CUX2: variants seen among roughly 807,000 people sequenced by gnomAD.
CUX2 encodes the protein cut like homeobox 2.
A neutral mutation model predicts 144.8 loss-of-function variants in CUX2; 40 were observed. That is an observed-to-expected ratio of 0.28 (90% CI 0.21 to 0.36). The LOEUF is 0.36. Ranked by LOEUF, CUX2 falls within the 10% of genes least tolerant of loss-of-function variation. CUX2 has a pLI of 1.00. For missense variants in CUX2, 1,615 were observed against 1,994.0 expected, an observed-to-expected ratio of 0.81 and a Z score of 3.62; for synonymous variants, 827 against 875.6, an observed-to-expected ratio of 0.94 and a Z score of 0.98.
Position 111,340,458 on chromosome 12 carries a change from C to T in CUX2, c.3386-1322C>T, listed in dbSNP as rs142284973. ...ATGTGGCGGCTCATACCTGTAATCT[C>T]AGCACTTTGGAAGGCCAAGGTGGGA... On this transcript the variant is annotated intron_variant, in intron 20 of 21. Coordinates refer to ENST00000261726, the MANE Select transcript of CUX2 (RefSeq NM_015267.4). Among the ~76,000 whole-genome samples the T allele has an allele frequency of 1.8e-3, 269 of 151,918 alleles. 4 individuals carry two copies. The highest frequency in any genetic ancestry group is 6.8e-3 in the Middle Eastern group (2 of 294).
At chr12:111,329,497 G>A (rs1410329647) in intron 18 of CUX2, among the ~76,000 whole-genome samples, 1 of 152,158 alleles carries the variant, frequency 6.6e-6, no homozygotes, top group Non-Finnish European at 1.5e-5. Flanking sequence ...GGATTGGGGG[G>A]TGGCTGTGTT....
intron 1 of CUX2, among the ~76,000 whole-genome samples, chr12:111,141,040 A>C (rs938018220): frequency 4.1e-4 from 62 of 152,170 alleles, no homozygotes; most frequent in Non-Finnish European, 8.8e-5. Flanking sequence ...TTTGAGATGA[A>C]GATGAGTCAG....
intron 19 of CUX2, among the ~76,000 whole-genome samples, chr12:111,335,872 C>G (rs1888327557): frequency 6.6e-6 from 1 of 151,888 alleles, no homozygotes; most frequent in African/African-American, 2.4e-5. Context: ...TGCCATTGCA[C>G]TCCAGCCTGG....
At chr12:111,188,857 C>G (rs1407361144) in intron 1 of CUX2, among the ~76,000 whole-genome samples, 1 of 152,178 alleles carries the variant, frequency 6.6e-6, no homozygotes, top group Non-Finnish European at 1.5e-5. Context: ...AAGCAGTCTC[C>G]TGCACCAGTC....
At chr12:111,155,936 TAAAAA>T (rs1187848868) in intron 1 of CUX2, among the ~76,000 whole-genome samples, 1 of 145,380 alleles carries the variant, frequency 6.9e-6, no homozygotes, top group Non-Finnish European at 1.5e-5. Flanking sequence ...AAAAAAAAAA[TAAAAA>T]TAAAAACCAG....
chr12:111,171,588 A>G lies in CUX2; in HGVS notation c.64-42612A>G, dbSNP rs2136167387. On this transcript the variant is annotated intron_variant, in intron 1 of 21. Coordinates refer to ENST00000261726, the MANE Select transcript of CUX2 (RefSeq NM_015267.4). The surrounding 1 kb of genome is among the most constrained non-coding windows in gnomAD (Gnocchi z 5.0). ...TGGGTCTCCGGAGCACAGCCACCTGACACATCTGGGGCTATGGGACGGAAA... is the reference window on the plus strand; with the variant it reads ...TGGGTCTCCGGAGCACAGCCACCTGGCACATCTGGGGCTATGGGACGGAAA... Among the ~76,000 whole-genome samples the G allele has an allele frequency of 6.6e-6, 1 of 152,144 alleles. No individual in the cohort carries two copies. Among genetic ancestry groups the G allele is most frequent in the Non-Finnish European group, 1.5e-5 (1 of 68,010 alleles).
chr12:111,106,105 TC>T (rs1416796550), intron 1 of CUX2, among the ~76,000 whole-genome samples: 1 of 151,368 alleles, frequency 6.6e-6, no homozygotes, highest in Non-Finnish European at 1.5e-5. Context: ...GCCCAAGCGA[TC>T]CCCCCACCTC....
chr12:111,091,127 TC>T (rs1355112403), intron 1 of CUX2, among the ~76,000 whole-genome samples: 1 of 152,176 alleles, frequency 6.6e-6, no homozygotes, highest in Non-Finnish European at 1.5e-5. Context: ...CGTGTGCACA[TC>T]CATGTAAGGG....
chr12:111,194,462 T>G (rs1456325506), intron 1 of CUX2, among the ~76,000 whole-genome samples: 1 of 152,254 alleles, frequency 6.6e-6, no homozygotes, highest in African/African-American at 2.4e-5. Flanking sequence ...TGCCAGTGAT[T>G]ACAGTTCAGG....
At chr12:111,120,724 A>G (rs988224537) in intron 1 of CUX2, among the ~76,000 whole-genome samples, 2 of 151,412 alleles carry the variant, frequency 1.3e-5, no homozygotes, top group African/African-American at 2.4e-5. Flanking sequence ...AACCCCTTCA[A>G]AGTTACCAGG....
chr12:111,139,041 G>A (rs757667095), intron 1 of CUX2, among the ~76,000 whole-genome samples: 2 of 149,238 alleles, frequency 1.3e-5, no homozygotes, highest in African/African-American at 5.0e-5. Context: ...CAGAGAACCC[G>A]ACCCAAGACA....
intron 3 of CUX2, among the ~76,000 whole-genome samples, chr12:111,235,282 T>TTAAGAATGCCAAGTTAA (rs1882684802): frequency 6.6e-6 from 1 of 152,142 alleles, no homozygotes; most frequent in Non-Finnish European, 1.5e-5. Flanking sequence ...GTCTGCAGTT[T>TTAAGAATGCCAAGTTAA]GTCTGTGGGC....
Position 111,293,359 on chromosome 12 carries a change from A to G in CUX2, c.437-87A>G, listed in dbSNP as rs1391077388. 4 of 1,487,800 alleles carry G rather than the reference A, an allele frequency of 2.7e-6. No homozygotes were observed. The highest frequency in any genetic ancestry group is 2.5e-5 in the Admixed American group (1 of 40,210). The allele number at this position is 1,487,800 out of a possible 1,614,324, so 92.2% of individuals were successfully genotyped here. On this transcript the variant is annotated intron_variant, in intron 5 of 21. Coordinates refer to ENST00000261726, the MANE Select transcript of CUX2 (RefSeq NM_015267.4). This position sits in a 1 kb window ranked among gnomAD's most constrained non-coding sequence, Gnocchi z 4.5. ...CAAGTTTGGGAAATTGATCACAATCAATGATCGATCCGGTTTACAGAAAGC... is the reference window on the plus strand; with the variant it reads ...CAAGTTTGGGAAATTGATCACAATCGATGATCGATCCGGTTTACAGAAAGC...
At chr12:111,163,828 T>G (rs1877942811) in intron 1 of CUX2, among the ~76,000 whole-genome samples, 1 of 152,152 alleles carries the variant, frequency 6.6e-6, no homozygotes, top group African/African-American at 2.4e-5. Flanking sequence ...CGCCCACCCA[T>G]GCTTGCCAGG....
At chr12:111,172,811 C>T (rs568044622) in intron 1 of CUX2, among the ~76,000 whole-genome samples, 2 of 152,190 alleles carry the variant, frequency 1.3e-5, no homozygotes, top group African/African-American at 2.4e-5. Context: ...GTTTGGAAAA[C>T]GTAAGTAAGG....
At chr12:111,252,090 G>A (rs1883590952) in intron 3 of CUX2, among the ~76,000 whole-genome samples, 1 of 152,160 alleles carries the variant, frequency 6.6e-6, no homozygotes, top group African/African-American at 2.4e-5. Flanking sequence ...TGAGGCTGAG[G>A]CAGGAAGATC....
At chr12:111,260,466 GAA>G (rs79184976) in intron 3 of CUX2, among the ~76,000 whole-genome samples, 7 of 144,720 alleles carry the variant, frequency 4.8e-5, no homozygotes, top group Non-Finnish European at 6.1e-5. Flanking sequence ...TCTGTCTCAG[GAA>G]AAAAAAAAAA....
At chr12:111,119,441 A>C (rs924112163) in intron 1 of CUX2, among the ~76,000 whole-genome samples, 20 of 151,852 alleles carry the variant, frequency 1.3e-4, no homozygotes, top group Non-Finnish European at 2.8e-4. Context: ...CCATCTTTAA[A>C]AAAAAAATTT....
At chr12:111,346,475 CAAAAAAA>C (rs1012828428) in intron 21 of CUX2, among the ~76,000 whole-genome samples, 4 of 87,538 alleles carry the variant, frequency 4.6e-5, no homozygotes, top group African/African-American at 1.7e-4. Context: ...GACTCCATCT[CAAAAAAA>C]AAAAAAAAGA....
Sources: allele counts gnomAD v4.1 joint callset (sites outside exome capture counted in the v4.1 genomes callset), GRCh38; gene constraint gnomAD v4.1.1; non-coding constraint Gnocchi (gnomAD v3.1); transcripts MANE v1.5; gene names NCBI Gene and HGNC (gene_info 2026-07-23, HGNC 2026-07-21).